TCEA3: variants seen among roughly 807,000 people sequenced by gnomAD.
TCEA3 encodes the protein transcription elongation factor A protein 3.
Under a neutral mutation model 44.0 loss-of-function variants are expected in TCEA3, and 36 were observed. The ratio of observed to expected loss-of-function variants is 0.82; its 90% confidence interval spans 0.63 to 1.08. TCEA3 has a LOEUF of 1.08. Among genes scored for constraint, TCEA3 ranks in the 50% least tolerant of loss-of-function variants. The pLI, the probability that TCEA3 is intolerant of heterozygous loss-of-function variation, is 0.00. For missense variants in TCEA3, 392 were observed against 441.2 expected, an observed-to-expected ratio of 0.89 and a Z score of 1.00; for synonymous variants, 162 against 159.7, an observed-to-expected ratio of 1.01 and a Z score of -0.11.
intron 8 of TCEA3, among the ~76,000 whole-genome samples, chr1:23,389,492 A>AG (rs1378402199): frequency 6.6e-6 from 1 of 150,988 alleles, no homozygotes; most frequent in Non-Finnish European, 1.5e-5. Flanking sequence ...TCCATCAAAA[A>AG]AAAAAAAAAA....
At chr1:23,415,274 C>T (rs979669435) in intron 4 of TCEA3, among the ~76,000 whole-genome samples, 93 of 152,126 alleles carry the variant, frequency 6.1e-4, no homozygotes, top group African/African-American at 2.1e-3. Flanking sequence ...CCACCCACCT[C>T]GGCCTCCCAA....
intron 10 of TCEA3, 34 bp from the exon 11 acceptor site, chr1:23,381,508 G>A (rs768274995): frequency 4.4e-5 from 34 of 780,686 alleles, no homozygotes; most frequent in Non-Finnish European, 7.7e-5. Flanking sequence ...AATTTGAAAG[G>A]TTTCTCGGCA....
intron 9 of TCEA3, among the ~76,000 whole-genome samples, chr1:23,386,194 G>C (rs1638829931): frequency 6.6e-6 from 1 of 152,160 alleles, no homozygotes; most frequent in Non-Finnish European, 1.5e-5. Context: ...CTGCAGCCTG[G>C]AGAGTTTTTA....
intron 5 of TCEA3, among the ~76,000 whole-genome samples, chr1:23,398,915 C>G (rs967000354): frequency 2.6e-5 from 4 of 151,530 alleles, no homozygotes; most frequent in Non-Finnish European, 5.9e-5. Context: ...CACAGGAGCA[C>G]GCCATCATGC....
At position 23,408,653 on chromosome 1, in the gene TCEA3, G is replaced by T; in HGVS notation, c.443+11C>A. 1 of 1,609,464 alleles carries T rather than the reference G, an allele frequency of 6.2e-7. No homozygotes were observed. The highest frequency in any genetic ancestry group is 8.5e-7 in the Non-Finnish European group (1 of 1,177,932). ...GGACACTGGGATGGAGAAAGCTGTG[G>T]TTTCCTTTACCTTTCCACCGATGGT... On this transcript the variant is annotated intron_variant, in intron 5 of 10. Coordinates refer to ENST00000450454, the MANE Select transcript of TCEA3 (RefSeq NM_003196.3).
intron 5 of TCEA3, among the ~76,000 whole-genome samples, chr1:23,406,952 A>G (rs1016339540): frequency 1.3e-5 from 2 of 152,070 alleles, no homozygotes; most frequent in African/African-American, 2.4e-5. Flanking sequence ...TCCAGCTGAG[A>G]CTTTCTTCCT....
At chr1:23,385,515 A>T (rs1638809335) in intron 9 of TCEA3, among the ~76,000 whole-genome samples, 1 of 152,226 alleles carries the variant, frequency 6.6e-6, no homozygotes, top group Non-Finnish European at 1.5e-5. Flanking sequence ...CCAGAACTGG[A>T]ATTCTCCAAG....
rs79693559 is a variant in TCEA3 at position 23,400,523 on chromosome 1, T to A, written c.444-2568A>T. 3.0e-3 allele frequency among the ~76,000 whole-genome samples: 452 copies of A among 152,216 alleles called. 2 individuals carry two copies. The highest frequency in any genetic ancestry group is 0.01 in the African/African-American group (419 of 41,528). On this transcript the variant is annotated intron_variant, in intron 5 of 10. Transcript: ENST00000450454. ...TGTGCCTGGCAAGACTTTGTGATAG[T>A]TGCACAACTCCCTCCCTCCCAAGAT...
intron 8 of TCEA3, 137 bp from the exon 9 acceptor site, chr1:23,387,556 T>G: frequency 9.1e-7 from 1 of 1,094,468 alleles, no homozygotes; most frequent in Middle Eastern, 2.6e-4. Context: ...AGGCCTGGAT[T>G]CCGGGTCCTG....
rs181060953 is a variant in TCEA3, at chr1:23,397,614, C to T, written c.608-13G>A. ...TCCTTGTAATCATCTAAAAGAGATT[C>T]GAGAAATACAGGTATCAGCCAGACA... is the stretch of plus-strand genomic sequence containing the variant. On this transcript the variant is annotated splice_polypyrimidine_tract_variant and intron_variant, in intron 6 of 10. Transcript: ENST00000450454. 1.7e-4 allele frequency: 271 copies of T among 1,613,208 alleles called. No homozygotes were observed. Among genetic ancestry groups the T allele is most frequent in the African/African-American group, 4.4e-4 (33 of 74,978 alleles).
chr1:23,384,295 G>A (rs1351686390), intron 10 of TCEA3, 51 bp downstream of exon 10: 9 of 1,613,054 alleles, frequency 5.6e-6, no homozygotes, highest in South Asian at 2.2e-5. Context: ...CGCCTTATGC[G>A]GGCGAGGTAT....
intron 5 of TCEA3, among the ~76,000 whole-genome samples, chr1:23,406,216 ATGT>A (rs1639541328): frequency 6.6e-6 from 1 of 152,180 alleles, no homozygotes; most frequent in African/African-American, 2.4e-5. Context: ...GCTGGCTGCC[ATGT>A]TGGAGGTGTG....
At position 23,393,458 on chromosome 1, in the gene TCEA3, G is replaced by T. The variant is rs1022547941; in HGVS notation, c.819+421C>A. On this transcript the variant is annotated intron_variant, in intron 8 of 10. Transcript: ENST00000450454. Reference sequence around the variant, plus strand: ...CCTCTACACACCTCACACATCATACGTACCACATAGACACGCACTCCACAC... The same window carrying T: ...CCTCTACACACCTCACACATCATACTTACCACATAGACACGCACTCCACAC... 5.3e-5 allele frequency among the ~76,000 whole-genome samples: 8 copies of T among 151,488 alleles called. No homozygotes were observed. In the East Asian group the frequency reaches 1.5e-3, roughly 29 times the overall value.
intron 1 of TCEA3, among the ~76,000 whole-genome samples, chr1:23,420,864 C>A (rs894121414): frequency 6.6e-6 from 1 of 152,166 alleles, no homozygotes; most frequent in Non-Finnish European, 1.5e-5. Flanking sequence ...CTTCTCCTTT[C>A]CCCCAGCCCC....
intron 5 of TCEA3, among the ~76,000 whole-genome samples, chr1:23,401,687 A>G (rs1358242686): frequency 1.3e-5 from 2 of 152,134 alleles, no homozygotes; most frequent in Non-Finnish European, 2.9e-5. Context: ...TTTGCCAAAG[A>G]GCCGCCAGAG....
chr1:23,399,144 GTATATATATATATATATATA>G lies in TCEA3; in HGVS notation c.444-1209_444-1190del, dbSNP rs60424866. Among the ~76,000 whole-genome samples the G allele has an allele frequency of 2.3e-3, 143 of 61,146 alleles. 2 individuals carry two copies. Among genetic ancestry groups the G allele is most frequent in the Admixed American group, 3.4e-3 (16 of 4,690 alleles). 40.1% of individuals were successfully genotyped at this position (61,146 alleles called of 152,430 possible). On this transcript the variant is annotated intron_variant, in intron 5 of 10. Coordinates refer to ENST00000450454, the MANE Select transcript of TCEA3 (RefSeq NM_003196.3). ...GTTTTGTTTATATATATGTATATAT[GTATATATATATATATATATA>G]TATATATATATATATCCATATGTGC...
intron 5 of TCEA3, among the ~76,000 whole-genome samples, chr1:23,402,129 C>G (rs1639414212): frequency 6.6e-6 from 1 of 152,162 alleles, no homozygotes. Flanking sequence ...TCACTTTGGT[C>G]AGGAGTTTGA....
At chr1:23,385,112 C>T (rs1638794399) in intron 9 of TCEA3, among the ~76,000 whole-genome samples, 2 of 152,200 alleles carry the variant, frequency 1.3e-5, no homozygotes, top group African/African-American at 4.8e-5. Flanking sequence ...CCTCATCATT[C>T]AGGTGCAGGA....
intron 5 of TCEA3, among the ~76,000 whole-genome samples, chr1:23,405,632 C>T (rs948540592): frequency 1.3e-5 from 2 of 151,886 alleles, no homozygotes; most frequent in South Asian, 2.1e-4. Flanking sequence ...CCTTGTGTCC[C>T]TTTTGGTTTC....
Sources: allele counts gnomAD v4.1 joint callset (sites outside exome capture counted in the v4.1 genomes callset), GRCh38; gene constraint gnomAD v4.1.1; transcripts MANE v1.5; gene names NCBI Gene and HGNC (gene_info 2026-07-23, HGNC 2026-07-21).